The following CTSS variants were observed in gnomAD, a reference collection of about 807,000 sequenced individuals.
CTSS encodes the protein cathepsin S.
A neutral mutation model predicts 39.9 loss-of-function variants in CTSS; 15 were observed. The ratio of observed to expected loss-of-function variants is 0.38; its 90% confidence interval spans 0.25 to 0.58. The LOEUF is 0.58. Ranked by LOEUF, CTSS falls within the 20% of genes least tolerant of loss-of-function variation. The pLI is 0.70. For missense variants in CTSS, 250 were observed against 398.2 expected (o/e 0.63, Z 3.17); for synonymous variants, 126 against 138.2 (o/e 0.91, Z 0.62).
At chr1:150,755,729 G>C (rs1653110134) in intron 3 of CTSS, among the ~76,000 whole-genome samples, 1 of 151,412 alleles carries the variant, frequency 6.6e-6, no homozygotes, top group South Asian at 2.1e-4. Context: ...GACAGAGTGA[G>C]ACTCCATCTC....
chr1:150,759,806 G>A (rs901252731), intron 2 of CTSS, among the ~76,000 whole-genome samples: 5 of 152,110 alleles, frequency 3.3e-5, no homozygotes, highest in Admixed American at 3.3e-4. Flanking sequence ...ACCCCAGGGA[G>A]CAGTCAGCAA....
chr1:150,765,665 C>T (rs1259761317), intron 1 of CTSS, 33 bp downstream of exon 1: 2 of 152,018 alleles, frequency 1.3e-5, no homozygotes, highest in African/African-American at 2.4e-5. Flanking sequence ...TGTTTGAAGA[C>T]CAAATGGGAG....
intron 7 of CTSS, among the ~76,000 whole-genome samples, chr1:150,741,035 T>C (rs751824612): frequency 4.6e-5 from 7 of 152,038 alleles, no homozygotes; most frequent in Non-Finnish European, 8.8e-5. Context: ...AGGGTCCTGC[T>C]CTGTCACCTA....
chr1:150,757,140 G>A (rs140306731), intron 3 of CTSS, among the ~76,000 whole-genome samples: 16 of 152,256 alleles, frequency 1.1e-4, no homozygotes, highest in Admixed American at 5.2e-4. Context: ...GGATCTGGTG[G>A]GGCGAATTAT....
rs1377792417 is a variant in CTSS at position 150,742,162 on chromosome 1, C to G, written c.896+5615G>C. On this transcript the variant is annotated intron_variant, in intron 7 of 7. Coordinates refer to ENST00000368985, the MANE Select transcript of CTSS (RefSeq NM_004079.5). ...GTCCCATCTACTCGGGAGGCTGAGG[C>G]AGAAGAATTGCTTGAACCTTAAAGG... is the stretch of plus-strand genomic sequence containing the variant. 2.0e-5 allele frequency among the ~76,000 whole-genome samples: 3 copies of G among 149,862 alleles called. 1 individual carries two copies. Among genetic ancestry groups the G allele is most frequent in the East Asian group, 2.0e-4 (1 of 5,074 alleles).
chr1:150,749,030 C>T (rs190309842), intron 6 of CTSS, among the ~76,000 whole-genome samples: 7 of 152,280 alleles, frequency 4.6e-5, no homozygotes, highest in East Asian at 3.9e-4. Context: ...GACTGATCCA[C>T]GGACTGGCCA....
chr1:150,754,167 G>A (rs1653066472), intron 4 of CTSS, among the ~76,000 whole-genome samples: 1 of 145,310 alleles, frequency 6.9e-6, no homozygotes, highest in Admixed American at 7.0e-5. Flanking sequence ...AGGCTGGAGT[G>A]CAGTGGCAAG....
Position 150,733,018 on chromosome 1 carries a change from T to C in CTSS, c.*28A>G, listed in dbSNP as rs776601769. The C allele has an allele frequency of 6.7e-6, 10 of 1,503,692 alleles. No individual in the cohort carries two copies. In the South Asian group the frequency reaches 1.2e-4, roughly 17 times the overall value. The allele number at this position is 1,503,692 out of a possible 1,614,324, so 93.1% of individuals were successfully genotyped here. A position where few individuals can be genotyped will look rare whatever the true frequency, so the allele number is the denominator to read the frequency against. On this transcript the variant is annotated 3_prime_UTR_variant, in exon 8 of 8. Coordinates refer to ENST00000368985, the MANE Select transcript of CTSS (RefSeq NM_004079.5). ...GTTAAGAGAAAGTGCTTCATATTTC[T>C]TGATTTGTTATAAAAAGGAGAGATC...
intron 6 of CTSS, among the ~76,000 whole-genome samples, chr1:150,749,606 T>C (rs889744390): frequency 2.8e-3 from 168 of 59,090 alleles, no homozygotes; most frequent in African/African-American, 0.01. Flanking sequence ...CACCTTGCCC[T>C]GCCCTGCCCT....
At chr1:150,745,299 A>G (rs992433892) in intron 7 of CTSS, among the ~76,000 whole-genome samples, 7 of 152,184 alleles carry the variant, frequency 4.6e-5, no homozygotes, top group Admixed American at 3.3e-4. Context: ...GTTGATGTAG[A>G]CATAATTAAT....
chr1:150,734,443 C>T (rs933287172), intron 7 of CTSS, among the ~76,000 whole-genome samples: 2 of 151,900 alleles, frequency 1.3e-5, no homozygotes, highest in Non-Finnish European at 2.9e-5. Context: ...GAGTTCGAGA[C>T]CAGCCTGATC....
intron 7 of CTSS, among the ~76,000 whole-genome samples, 197 bp downstream of exon 7, chr1:150,747,580 A>G (rs1161654647): frequency 6.6e-6 from 1 of 152,172 alleles, no homozygotes; most frequent in Non-Finnish European, 1.5e-5. Context: ...AAACCAGGAA[A>G]ACAAAGTGAT....
intron 7 of CTSS, among the ~76,000 whole-genome samples, chr1:150,734,000 A>G (rs1316960875): frequency 6.6e-6 from 1 of 151,696 alleles, no homozygotes; most frequent in Non-Finnish European, 1.5e-5. Context: ...ATATACAGTT[A>G]TCAATTTTAA....
intron 2 of CTSS, among the ~76,000 whole-genome samples, chr1:150,759,555 T>G (rs1180897687): frequency 6.6e-6 from 1 of 152,234 alleles, no homozygotes; most frequent in Non-Finnish European, 1.5e-5. Flanking sequence ...CAATATTTTT[T>G]ATTTTCAAGA....
intron 2 of CTSS, among the ~76,000 whole-genome samples, chr1:150,763,104 T>TA (rs202184518): frequency 1.3e-3 from 183 of 146,074 alleles, no homozygotes; most frequent in Admixed American, 1.4e-3. Flanking sequence ...TATTTAGCCT[T>TA]AAAAAAAAAA....
chr1:150,757,471 T>C (rs1314880693), intron 3 of CTSS, among the ~76,000 whole-genome samples: 1 of 152,198 alleles, frequency 6.6e-6, no homozygotes, highest in Non-Finnish European at 1.5e-5. Flanking sequence ...TTTGTGATAT[T>C]AAATACCCAC....
chr1:150,747,576 G>A (rs1309575833), intron 7 of CTSS, among the ~76,000 whole-genome samples: 2 of 152,068 alleles, frequency 1.3e-5, no homozygotes, highest in Non-Finnish European at 2.9e-5. Flanking sequence ...AGATAAACCA[G>A]GAAAACAAAG....
At chr1:150,734,042 T>C (rs1406506387) in intron 7 of CTSS, among the ~76,000 whole-genome samples, 1 of 152,044 alleles carries the variant, frequency 6.6e-6, no homozygotes. Flanking sequence ...TTTTTTTTTT[T>C]TTGGAGGTGA....
chr1:150,743,113 C>T (rs1268565229), intron 7 of CTSS, among the ~76,000 whole-genome samples: 1 of 151,910 alleles, frequency 6.6e-6, no homozygotes, highest in Non-Finnish European at 1.5e-5. Context: ...GATGAGTTTG[C>T]TTTGATATAG....
Sources: gnomAD v4.1 joint callset for allele counts (sites outside exome capture counted in the v4.1 genomes callset) on GRCh38, gnomAD v4.1.1 for gene constraint, MANE v1.5 for transcripts, NCBI Gene and HGNC (gene_info 2026-07-23, HGNC 2026-07-21) for gene names.